Variants in SIK2 observed in about 807,000 individuals in gnomAD.
SIK2 encodes the protein serine/threonine-protein kinase SIK2.
SIK2 carries 29 observed loss-of-function variants against 103.2 expected under a neutral mutation model. That is an observed-to-expected ratio of 0.28 (90% CI 0.21 to 0.38). The LOEUF is 0.38. SIK2 is among the 10% of genes least tolerant of loss of function. SIK2 has a pLI of 1.00. For synonymous variants in SIK2, 412 were observed against 446.1 expected, an observed-to-expected ratio of 0.92 and a Z score of 0.96; for missense variants, 879 against 1,171.0, an observed-to-expected ratio of 0.75 and a Z score of 3.64.
intron 3 of SIK2, among the ~76,000 whole-genome samples, chr11:111,653,861 C>T (rs141504481): frequency 6.6e-6 from 1 of 152,216 alleles, no homozygotes; most frequent in East Asian, 1.9e-4. Context: ...CTTCCTTTCC[C>T]TTCCATGTTA....
intron 3 of SIK2, among the ~76,000 whole-genome samples, chr11:111,628,226 T>G (rs1941986722): frequency 6.6e-6 from 1 of 152,184 alleles, no homozygotes; most frequent in Non-Finnish European, 1.5e-5. Context: ...TAAACCAACC[T>G]TCCTTTCTTT....
chr11:111,658,775 A>G (rs572548706), intron 3 of SIK2, among the ~76,000 whole-genome samples: 155 of 152,180 alleles, frequency 1.0e-3, no homozygotes, highest in Non-Finnish European at 2.0e-3. Flanking sequence ...ATTAGGAGAT[A>G]CTAGAGCCAT....
chr11:111,726,829 C>T lies in SIK2; in HGVS notation c.*2700C>T, dbSNP rs1302935904. The T allele has an allele frequency of 2.7e-6, 2 of 739,232 alleles. No individual in the cohort carries two copies. The highest frequency in any genetic ancestry group is 3.5e-5 in the African/African-American group (2 of 57,126). The allele number at this position is 739,232 out of a possible 1,614,324, so 45.8% of individuals were successfully genotyped here. On this transcript the variant is annotated 3_prime_UTR_variant, in exon 15 of 15. Coordinates refer to ENST00000304987, the MANE Select transcript of SIK2 (RefSeq NM_015191.3). ...AGTGTGTACACTACTGTATCATCATCAGCTTCATCACCCTGTAAACCAGGC... is the reference window on the plus strand; with the variant it reads ...AGTGTGTACACTACTGTATCATCATTAGCTTCATCACCCTGTAAACCAGGC...
At chr11:111,644,508 T>C (rs1942230024) in intron 3 of SIK2, among the ~76,000 whole-genome samples, 1 of 152,110 alleles carries the variant, frequency 6.6e-6, no homozygotes, top group Admixed American at 6.5e-5. Flanking sequence ...CTGCTTAAGC[T>C]TTATTATCAT....
intron 1 of SIK2, among the ~76,000 whole-genome samples, chr11:111,614,540 C>T (rs1941777175): frequency 6.6e-6 from 1 of 152,016 alleles, no homozygotes; most frequent in South Asian, 2.1e-4. Flanking sequence ...AAGAAAATAA[C>T]AAGGAAAATA....
At chr11:111,716,743 G>A (rs548454209) in intron 9 of SIK2, among the ~76,000 whole-genome samples, 1 of 152,234 alleles carries the variant, frequency 6.6e-6, no homozygotes, top group Non-Finnish European at 1.5e-5. Context: ...GACAATTTAA[G>A]TAAAACCGTA....
chr11:111,700,189 TAG>T (rs1943180977), intron 4 of SIK2, among the ~76,000 whole-genome samples: 1 of 152,204 alleles, frequency 6.6e-6, no homozygotes, highest in Admixed American at 6.5e-5. Context: ...ATCAAAACTG[TAG>T]AGTCAGTATG....
rs541892924 is a variant in SIK2 at position 111,728,902 on chromosome 11, C to T, written c.*4773C>T. ...TCGTGCCACTGCACTCCAGCCTGGG[C>T]GACAGAGCAAGACTCCACCTCAAAA... On this transcript the variant is annotated 3_prime_UTR_variant, in exon 15 of 15. Coordinates refer to ENST00000304987, the MANE Select transcript of SIK2 (RefSeq NM_015191.3). The T allele has an allele frequency of 1.6e-4, 24 of 145,798 alleles. No homozygotes were observed. Among genetic ancestry groups the T allele is most frequent in the South Asian group, 4.4e-4 (2 of 4,596 alleles). 9.0% of individuals were successfully genotyped at this position (145,798 alleles called of 1,614,324 possible).
intron 3 of SIK2, among the ~76,000 whole-genome samples, chr11:111,655,718 T>C (rs1357690144): frequency 6.6e-6 from 1 of 152,168 alleles, no homozygotes; most frequent in Admixed American, 6.5e-5. Context: ...CCTGTGCATA[T>C]CTCCCAGTGC....
chr11:111,656,441 G>A (rs1003244294), intron 3 of SIK2, among the ~76,000 whole-genome samples: 1 of 152,064 alleles, frequency 6.6e-6, no homozygotes, highest in African/African-American at 2.4e-5. Flanking sequence ...TTATGTTTTG[G>A]TTATTATATG....
At chr11:111,649,877 A>T (rs922915452) in intron 3 of SIK2, among the ~76,000 whole-genome samples, 17 of 152,092 alleles carry the variant, frequency 1.1e-4, no homozygotes, top group East Asian at 5.8e-4. Context: ...CTATTTTTTT[A>T]AAAAAATTAA....
intron 12 of SIK2, 102 bp downstream of exon 12, chr11:111,721,164 A>T: frequency 3.6e-6 from 5 of 1,380,898 alleles, no homozygotes; most frequent in Non-Finnish European, 4.9e-6. Flanking sequence ...CCAGTCCTGG[A>T]GCAAACAGGC....
chr11:111,609,325 T>G (rs1286151647), intron 1 of SIK2, among the ~76,000 whole-genome samples: 2 of 151,316 alleles, frequency 1.3e-5, no homozygotes, highest in African/African-American at 4.9e-5. Context: ...TCAAATCAAT[T>G]TTTTTTTTGG....
At chr11:111,651,623 C>G (rs896219001) in intron 3 of SIK2, among the ~76,000 whole-genome samples, 1 of 152,172 alleles carries the variant, frequency 6.6e-6, no homozygotes, top group African/African-American at 2.4e-5. Flanking sequence ...TGGCAAACCA[C>G]CATGGCACAC....
At chr11:111,648,382 T>C (rs1233726227) in intron 3 of SIK2, among the ~76,000 whole-genome samples, 1 of 152,080 alleles carries the variant, frequency 6.6e-6, no homozygotes, top group Non-Finnish European at 1.5e-5. Context: ...GGACCCACTT[T>C]CTCAGATGGC....
In SIK2 at chr11:111,724,078, A is replaced by G; in HGVS notation, c.2730A>G (p.Glu910=). 6.2e-7 allele frequency: 1 copy of G among 1,613,630 alleles called. No individual in the cohort carries two copies. The highest frequency in any genetic ancestry group is 8.5e-7 in the Non-Finnish European group (1 of 1,180,022). The part of the protein sequence containing the change: ...LSELPGLFDC[E]MLDAVDPQHN... ...AGCTACCTGGACTCTTTGATTGTGA[A>G]ATGCTAGACGCTGTGGATCCACAAC... Residue 910 remains glutamate (E), a synonymous_variant, in exon 15 of 15, where the codon GAA becomes GAG. Coordinates refer to ENST00000304987, the MANE Select transcript of SIK2 (RefSeq NM_015191.3).
rs140201768 is a variant in SIK2 at position 111,612,510 on chromosome 11, C to T, written c.136-3733C>T. Reference sequence around the variant, plus strand: ...TACAGCTGGACTGTTTCTATGCCACCCTTGCATTTAGGTGTGGTCATATGC... The same window carrying T: ...TACAGCTGGACTGTTTCTATGCCACTCTTGCATTTAGGTGTGGTCATATGC... On this transcript the variant is annotated intron_variant, in intron 1 of 14. Transcript: ENST00000304987. Among the ~76,000 whole-genome samples the T allele has an allele frequency of 5.6e-4, 85 of 152,204 alleles. 1 individual carries two copies. The highest frequency in any genetic ancestry group is 5.2e-3 in the South Asian group (25 of 4,816).
At position 111,705,096 on chromosome 11, in the gene SIK2, G is replaced by A. The variant is rs977008459; in HGVS notation, c.1058G>A (p.Arg353His). 3.7e-6 allele frequency: 6 copies of A among 1,603,812 alleles called. No homozygotes were observed. Among genetic ancestry groups the A allele is most frequent in the African/African-American group, 1.3e-5 (1 of 74,162 alleles). Reference protein sequence around the residue: ...SFPVEQRLDGRQRRPSTIAEQ... With the variant: ...SFPVEQRLDGHQRRPSTIAEQ... ...CCAGTGGAGCAGAGACTTGATGGCCGCCAGCGTCGGCCTAGCACCATTGCT... is the reference window on the plus strand; with the variant it reads ...CCAGTGGAGCAGAGACTTGATGGCCACCAGCGTCGGCCTAGCACCATTGCT... Residue 353 changes from arginine (R) to histidine (H), a missense_variant, in exon 8 of 15, where the codon CGC becomes CAC. Around this residue, in one of 7 missense-constraint regions of SIK2, gnomAD observed 99 missense variants for 153.9 expected, o/e 0.64. Coordinates refer to ENST00000304987, the MANE Select transcript of SIK2 (RefSeq NM_015191.3). The surrounding 1 kb of genome is among the most constrained non-coding windows in gnomAD (Gnocchi z 4.3).
chr11:111,659,769 G>A (rs560009464), intron 3 of SIK2, among the ~76,000 whole-genome samples: 1 of 152,222 alleles, frequency 6.6e-6, no homozygotes, highest in East Asian at 1.9e-4. Flanking sequence ...TAGCCTTTCA[G>A]CTAAAAGTAA....
Sources: allele counts gnomAD v4.1 joint callset (sites outside exome capture counted in the v4.1 genomes callset), GRCh38; gene constraint gnomAD v4.1.1; regional missense constraint gnomAD v4.1.1; non-coding constraint Gnocchi (gnomAD v3.1); transcripts MANE v1.5; gene names NCBI Gene and HGNC (gene_info 2026-07-23, HGNC 2026-07-21).